The following PLEKHG1 variants were observed in gnomAD, a reference collection of about 807,000 sequenced individuals.
PLEKHG1 encodes pleckstrin homology domain-containing family G member 1.
PLEKHG1 carries 44 observed loss-of-function variants against 100.8 expected under a neutral mutation model. The ratio of observed to expected loss-of-function variants is 0.44; its 90% CI spans 0.34 to 0.56. PLEKHG1 has a LOEUF of 0.56. Ranked by LOEUF, PLEKHG1 falls within the 20% of genes least tolerant of loss-of-function variation. PLEKHG1 has a pLI of 0.01. For missense variants in PLEKHG1, 1,545 were observed against 1,720.9 expected (o/e 0.90, Z 1.81); for synonymous variants, 640 against 662.5 (o/e 0.97, Z 0.52).
intron 1 of PLEKHG1, among the ~76,000 whole-genome samples, chr6:150,730,914 AG>A (rs1782216706): frequency 6.6e-6 from 1 of 151,936 alleles, no homozygotes; most frequent in African/African-American, 2.4e-5. Context: ...AAAAAAAAAA[AG>A]AACATATTCA....
chr6:150,656,682 A>G (rs2128577749), intron 3 of PLEKHG1, among the ~76,000 whole-genome samples: 1 of 152,326 alleles, frequency 6.6e-6, no homozygotes, highest in South Asian at 2.1e-4. Flanking sequence ...TAGTTTTTAA[A>G]CCTATTACCA....
rs1042296778 is a variant in PLEKHG1 at position 150,683,368 on chromosome 6, G to C, written c.-99+32582G>C. ...CTCAGTGAGTCCCTTTTCTTGAGAG[G>C]AGAGGGGGTGTATATTACAATAAGA... is the stretch of plus-strand genomic sequence containing the variant. On this transcript the variant is annotated intron_variant, in intron 3 of 3. Coordinates refer to the PLEKHG1 transcript ENST00000367326. The surrounding 1 kb of genome is among the most constrained non-coding windows in gnomAD (Gnocchi z 4.0). 6.6e-6 allele frequency among the ~76,000 whole-genome samples: 1 copy of C among 152,050 alleles called. No homozygotes were observed. The highest frequency in any genetic ancestry group is 1.5e-5 in the Non-Finnish European group (1 of 68,024).
intron 2 of PLEKHG1, among the ~76,000 whole-genome samples, chr6:150,736,672 G>A (rs1782578235): frequency 6.6e-6 from 1 of 152,160 alleles, no homozygotes; most frequent in Admixed American, 6.5e-5. Context: ...GGGAGGCTGA[G>A]ACAGGAGAAT....
chr6:150,843,302 T>C (rs897646436), exon 16 of PLEKHG1: 2 of 152,206 alleles, frequency 1.3e-5, no homozygotes, highest in Admixed American at 1.3e-4. Flanking sequence ...GACAAATGTG[T>C]AGATTTATAG....
At chr6:150,839,860 T>C in exon 16 of PLEKHG1, 1 of 1,612,960 alleles carries the variant, frequency 6.2e-7, no homozygotes, top group East Asian at 2.2e-5. Context: ...TATTCCCAGT[T>C]GTATGACCAG....
intron 15 of PLEKHG1, among the ~76,000 whole-genome samples, chr6:150,835,742 C>G (rs1562567996): frequency 6.6e-6 from 1 of 152,132 alleles, no homozygotes; most frequent in African/African-American, 2.4e-5. Flanking sequence ...AAGCTTGTCT[C>G]TTGTTCACAT....
At chr6:150,817,257 G>A (rs1304116968) in intron 10 of PLEKHG1, among the ~76,000 whole-genome samples, 1 of 152,220 alleles carries the variant, frequency 6.6e-6, no homozygotes, top group Admixed American at 6.5e-5. Flanking sequence ...TGAAGTGCCT[G>A]AGCTGGGATC....
At chr6:150,789,587 A>T (rs9371473) in intron 4 of PLEKHG1, among the ~76,000 whole-genome samples, 1 of 152,032 alleles carries the variant, frequency 6.6e-6, no homozygotes, top group Non-Finnish European at 1.5e-5. Flanking sequence ...GCTAGGAGTA[A>T]GTCACTATAT....
At chr6:150,838,395 G>GT (rs59814753) in intron 15 of PLEKHG1, among the ~76,000 whole-genome samples, 1 of 152,016 alleles carries the variant, frequency 6.6e-6, no homozygotes, top group Non-Finnish European at 1.5e-5. Context: ...AACATTAAGG[G>GT]TTTTTTTTAT....
intron 2 of PLEKHG1, among the ~76,000 whole-genome samples, chr6:150,649,374 TC>T (rs1176130803): frequency 2.0e-5 from 3 of 152,220 alleles, no homozygotes; most frequent in African/African-American, 7.2e-5. Context: ...ATTAGCACAT[TC>T]TGTGCCTGCC....
At chr6:150,836,016 C>T (rs185169693) in intron 15 of PLEKHG1, among the ~76,000 whole-genome samples, 455 of 152,310 alleles carry the variant, frequency 3.0e-3, no homozygotes, top group Admixed American at 8.0e-3. Context: ...GACCTGATTT[C>T]CAGGCCACCT....
chr6:150,759,776 G>A (rs537247762), intron 2 of PLEKHG1, among the ~76,000 whole-genome samples: 1 of 152,256 alleles, frequency 6.6e-6, no homozygotes, highest in Admixed American at 6.5e-5. Flanking sequence ...AGGCTGAGGT[G>A]GGAGGATCAC....
chr6:150,742,180 C>T (rs932683024), intron 2 of PLEKHG1, among the ~76,000 whole-genome samples: 1 of 152,190 alleles, frequency 6.6e-6, no homozygotes, highest in African/African-American at 2.4e-5. Context: ...GCAGGCTTTA[C>T]AGGAAGCACA....
chr6:150,624,375 A>G (rs1777426290), intron 1 of PLEKHG1, among the ~76,000 whole-genome samples: 1 of 151,996 alleles, frequency 6.6e-6, no homozygotes, highest in Non-Finnish European at 1.5e-5. Flanking sequence ...TCTCCCTCCC[A>G]CATCCTCAAC....
chr6:150,817,296 C>T (rs945957008), intron 10 of PLEKHG1, among the ~76,000 whole-genome samples: 1 of 152,186 alleles, frequency 6.6e-6, no homozygotes, highest in African/African-American at 2.4e-5. Flanking sequence ...GGCCGTCTCA[C>T]TCTGGGAGAT....
At chr6:150,780,972 C>G (rs1386734695) in intron 3 of PLEKHG1, among the ~76,000 whole-genome samples, 1 of 151,798 alleles carries the variant, frequency 6.6e-6, no homozygotes, top group African/African-American at 2.4e-5. Flanking sequence ...CTCCCGGGTT[C>G]AAGCAATTCT....
intron 3 of PLEKHG1, among the ~76,000 whole-genome samples, chr6:150,701,466 T>TATATATATATATATAAAA (rs1212311635): frequency 1.2e-5 from 1 of 84,240 alleles, no homozygotes; most frequent in African/African-American, 1.2e-4. Context: ...TATATATATA[T>TATATATATATATATAAAA]AATTATACTT....
At chr6:150,614,784 TCTTA>T (rs755930192) in intron 1 of PLEKHG1, among the ~76,000 whole-genome samples, 7 of 152,206 alleles carry the variant, frequency 4.6e-5, no homozygotes, top group Admixed American at 1.3e-4. Context: ...TGTGTTACAG[TCTTA>T]CTTCTGGTCA....
At position 150,809,568 on chromosome 6, in the gene PLEKHG1, A is replaced by G. The variant is rs1238387098; in HGVS notation, c.1192-80A>G. On this transcript the variant is annotated intron_variant, in intron 9 of 15. Coordinates refer to ENST00000358517, the Ensembl canonical transcript of PLEKHG1. ...GGCTTTTTGAGAGCGTTCTGGCCACATGGTCATTTCCCATCTCATCAGAGG... is the reference window on the plus strand; with the variant it reads ...GGCTTTTTGAGAGCGTTCTGGCCACGTGGTCATTTCCCATCTCATCAGAGG... 2.0e-6 allele frequency: 3 copies of G among 1,489,630 alleles called. No homozygotes were observed. The South Asian group carries it at 3.4e-5, about 17-fold the overall frequency. 92.3% of individuals were successfully genotyped at this position (1,489,630 alleles called of 1,614,324 possible).
Sources: gnomAD v4.1 joint callset for allele counts (sites outside exome capture counted in the v4.1 genomes callset) on GRCh38, gnomAD v4.1.1 for gene constraint, Gnocchi (gnomAD v3.1) non-coding constraint, MANE v1.5 for transcripts, NCBI Gene and HGNC (gene_info 2026-07-23, HGNC 2026-07-21) for gene names.